TRAPPC9: variants seen among roughly 807,000 people sequenced by gnomAD.
The protein encoded by TRAPPC9 is IKK2 binding protein.
In TRAPPC9, 83 loss-of-function variants were observed where a neutral mutation model predicts 124.0. The observed-to-expected ratio is 0.67, with a 90% CI of 0.56 to 0.80. TRAPPC9 has a LOEUF of 0.80. Among genes scored for constraint, TRAPPC9 ranks in the 30% least tolerant of loss-of-function variants. TRAPPC9 has a pLI of 0.00. For synonymous variants in TRAPPC9, 638 were observed against 617.5 expected (o/e 1.03, Z -0.49); for missense variants, 1,302 against 1,508.3 (o/e 0.86, Z 2.27).
intron 16 of TRAPPC9, 101 bp from the exon 17 acceptor site, chr8:140,221,684 C>A: frequency 6.8e-7 from 1 of 1,463,362 alleles, no homozygotes; most frequent in Admixed American, 2.0e-5. Flanking sequence ...GTCGCACAAG[C>A]TGGAGTGCAG....
rs541943154 is a variant in TRAPPC9, at chr8:140,137,427, G to A, written c.2556+84032C>T. 4.6e-5 allele frequency among the ~76,000 whole-genome samples: 7 copies of A among 151,254 alleles called. No individual in the cohort carries two copies. The East Asian group carries it at 1.2e-3, about 25-fold the overall frequency. On this transcript the variant is annotated intron_variant, in intron 17 of 22. Transcript: ENST00000438773. ...CATCATAGAGATGAGTGTCCAAAGTGCTGTCCAAAGTCCAGATCACTCTGG... is the reference window on the plus strand; with the variant it reads ...CATCATAGAGATGAGTGTCCAAAGTACTGTCCAAAGTCCAGATCACTCTGG...
intron 19 of TRAPPC9, among the ~76,000 whole-genome samples, chr8:139,943,266 C>T (rs888371307): frequency 4.6e-5 from 7 of 152,262 alleles, no homozygotes; most frequent in Admixed American, 1.3e-4. Context: ...GGGTCTTTGC[C>T]ATGTTGGCCA....
At chr8:139,992,887 T>C (rs1837731720) in intron 18 of TRAPPC9, among the ~76,000 whole-genome samples, 1 of 151,980 alleles carries the variant, frequency 6.6e-6, no homozygotes, top group African/African-American at 2.4e-5. Context: ...CCTCACATCA[T>C]ATATAAAAAT....
At chr8:140,445,444 T>G (rs2071209873) in intron 2 of TRAPPC9, among the ~76,000 whole-genome samples, 1 of 152,054 alleles carries the variant, frequency 6.6e-6, no homozygotes, top group African/African-American at 2.4e-5. Flanking sequence ...GACTCAAGAC[T>G]CTCCTGTGGT....
intron 19 of TRAPPC9, among the ~76,000 whole-genome samples, chr8:139,952,885 C>G (rs1421557891): frequency 6.6e-6 from 1 of 152,236 alleles, no homozygotes; most frequent in Admixed American, 6.5e-5. Context: ...ATTATTAACA[C>G]ACTTTACAGA....
chr8:140,331,360 C>G (rs959338844), intron 9 of TRAPPC9, among the ~76,000 whole-genome samples: 2 of 151,916 alleles, frequency 1.3e-5, no homozygotes, highest in African/African-American at 4.8e-5. Flanking sequence ...ACCAAAACTA[C>G]AAATCTAATA....
chr8:140,049,625 G>A (rs1049103536), intron 17 of TRAPPC9, among the ~76,000 whole-genome samples: 2 of 151,178 alleles, frequency 1.3e-5, no homozygotes, highest in Admixed American at 1.3e-4. Context: ...CCATTTGCTC[G>A]TCGGTCTTTG....
At chr8:140,224,683 A>AT (rs199511426) in intron 16 of TRAPPC9, among the ~76,000 whole-genome samples, 131 of 151,028 alleles carry the variant, frequency 8.7e-4, no homozygotes, top group African/African-American at 2.6e-3. Context: ...TTCTACCCCC[A>AT]TTTTTTTTTA....
chr8:140,435,129 G>A lies in TRAPPC9; in HGVS notation c.842C>T (p.Ala281Val), dbSNP rs760487696. ...FQGSTLPAEAANRHRPGAQEV... is the reference protein window; with the variant it reads ...FQGSTLPAEAVNRHRPGAQEV... ...GAGCTCACCTGGCCGGTGTCTATTG[G>A]CTGCTTCAGCAGGAAGGGTGCTGCC... Residue 281 changes from alanine to valine, a missense_variant, in exon 4 of 23, where the codon GCC (alanine) becomes GTC (valine). By Grantham distance (64) the Ala-to-Val change is moderately conservative. Coordinates refer to ENST00000438773, the MANE Select transcript of TRAPPC9 (RefSeq NM_001160372.4). 4 of 1,614,074 alleles carry A rather than the reference G, an allele frequency of 2.5e-6. No individual in the cohort carries two copies. The highest frequency in any genetic ancestry group is 2.7e-5 in the African/African-American group (2 of 74,942).
intron 21 of TRAPPC9, among the ~76,000 whole-genome samples, chr8:139,783,481 AAC>A (rs1821974815): frequency 6.6e-6 from 1 of 152,246 alleles, no homozygotes; most frequent in Non-Finnish European, 1.5e-5. Flanking sequence ...CTAAAGAAGA[AAC>A]AGCTAATCAG....
intron 21 of TRAPPC9, among the ~76,000 whole-genome samples, chr8:139,737,365 G>A (rs1170282887): frequency 1.3e-5 from 2 of 152,096 alleles, no homozygotes; most frequent in Non-Finnish European, 2.9e-5. Context: ...TGGTCCCCAG[G>A]AGGTGGGCAG....
In TRAPPC9 at chr8:140,087,814, C is replaced by T. The variant is rs889386772; in HGVS notation, c.2557-63735G>A. Among the ~76,000 whole-genome samples, 3 of 152,108 alleles carry T rather than the reference C, an allele frequency of 2.0e-5. No individual in the cohort carries two copies. Among genetic ancestry groups the T allele is most frequent in the Non-Finnish European group, 4.4e-5 (3 of 68,044 alleles). ...ACCATTCTCATGCATGACGAGCAAC[C>T]GCACCATTCCCTGGCTCTCTCCTGC... On this transcript the variant is annotated intron_variant, in intron 17 of 22. Transcript: ENST00000438773. This position sits in a 1 kb window ranked among gnomAD's most constrained non-coding sequence, Gnocchi z 4.6.
chr8:140,239,052 GGAGAAAGCTGCTCCTTGGA>G (rs971502562), intron 16 of TRAPPC9, among the ~76,000 whole-genome samples: 3 of 152,182 alleles, frequency 2.0e-5, no homozygotes, highest in African/African-American at 7.2e-5. Flanking sequence ...AGCAGGCCCC[GGAGAAAGCTGCTCCTTGGA>G]GCAGCTGGCT....
At chr8:139,888,410 G>A (rs952119682) in intron 20 of TRAPPC9, among the ~76,000 whole-genome samples, 4 of 152,184 alleles carry the variant, frequency 2.6e-5, no homozygotes, top group African/African-American at 9.7e-5. Flanking sequence ...TAACTTCACA[G>A]GGCCGTCATG....
chr8:140,326,473 C>T (rs1238103842), intron 9 of TRAPPC9, among the ~76,000 whole-genome samples: 1 of 152,146 alleles, frequency 6.6e-6, no homozygotes, highest in South Asian at 2.1e-4. Flanking sequence ...CTTTGCCTGC[C>T]ACCACCTACA....
At chr8:139,980,679 C>A (rs944869143) in intron 19 of TRAPPC9, among the ~76,000 whole-genome samples, 1 of 152,250 alleles carries the variant, frequency 6.6e-6, no homozygotes, top group Non-Finnish European at 1.5e-5. Flanking sequence ...CACGGTGAGG[C>A]CCTGCCCAGG....
At chr8:139,996,518 C>A (rs1838008867) in intron 18 of TRAPPC9, among the ~76,000 whole-genome samples, 1 of 150,848 alleles carries the variant, frequency 6.6e-6, no homozygotes. Context: ...ACAGATTATC[C>A]AATGGAAACA....
At chr8:139,887,613 G>C (rs1450149118) in intron 20 of TRAPPC9, among the ~76,000 whole-genome samples, 1 of 152,120 alleles carries the variant, frequency 6.6e-6, no homozygotes, top group Non-Finnish European at 1.5e-5. Context: ...CACTCTGCGT[G>C]TTCTGCCTGG....
chr8:140,284,037 A>G lies in TRAPPC9; in HGVS notation c.1982-16T>C. 6.2e-7 allele frequency: 1 copy of G among 1,613,886 alleles called. No homozygotes were observed. Among genetic ancestry groups the G allele is most frequent in the Non-Finnish European group, 8.5e-7 (1 of 1,179,858 alleles). ...GTATGGTAACCTGGAATAGAAAAGG[A>G]ACTTCTTCACTCCACTGGCAAGGCT... On this transcript the variant is annotated splice_polypyrimidine_tract_variant and intron_variant, in intron 13 of 22. Coordinates refer to ENST00000438773, the MANE Select transcript of TRAPPC9 (RefSeq NM_001160372.4).
Sources: gnomAD v4.1 joint callset for allele counts (sites outside exome capture counted in the v4.1 genomes callset) on GRCh38, gnomAD v4.1.1 for gene constraint, Gnocchi (gnomAD v3.1) non-coding constraint, MANE v1.5 for transcripts, NCBI Gene and HGNC (gene_info 2026-07-23, HGNC 2026-07-21) for gene names.